The following TANGO6 variants were observed in gnomAD, a reference collection of about 807,000 sequenced individuals.
The protein encoded by TANGO6 is transport and Golgi organization protein 6 homolog.
In TANGO6, 90 loss-of-function variants were observed where a neutral mutation model predicts 114.2. The ratio of observed to expected loss-of-function variants is 0.79; its 90% confidence interval spans 0.66 to 0.94. TANGO6 has a LOEUF of 0.94. Ranked by LOEUF, TANGO6 falls within the 40% of genes least tolerant of loss-of-function variation. The pLI, the probability that TANGO6 is intolerant of heterozygous loss-of-function variation, is 0.00. For missense variants in TANGO6, 1,274 were observed against 1,315.3 expected, an observed-to-expected ratio of 0.97 and a Z score of 0.49; for synonymous variants, 477 against 509.8, an observed-to-expected ratio of 0.94 and a Z score of 0.87.
At chr16:68,946,779 G>C (rs1393974035) in intron 14 of TANGO6, among the ~76,000 whole-genome samples, 1 of 152,164 alleles carries the variant, frequency 6.6e-6, no homozygotes, top group Non-Finnish European at 1.5e-5. Context: ...TGAGATTACA[G>C]GTGTAAGCCA....
chr16:68,968,860 C>T (rs544497892), intron 14 of TANGO6, among the ~76,000 whole-genome samples: 41 of 149,138 alleles, frequency 2.7e-4, no homozygotes, highest in African/African-American at 8.9e-4. Context: ...TTAGTAGAAA[C>T]GGGGTTTCAC....
intron 11 of TANGO6, among the ~76,000 whole-genome samples, chr16:68,916,241 A>T (rs1963003079): frequency 6.6e-6 from 1 of 152,154 alleles, no homozygotes; most frequent in Admixed American, 6.6e-5. Context: ...ACCAGGCCGC[A>T]TAACTGGAGG....
chr16:68,912,146 G>A (rs1048722617), intron 11 of TANGO6, among the ~76,000 whole-genome samples: 6 of 152,178 alleles, frequency 3.9e-5, no homozygotes, highest in Non-Finnish European at 4.4e-5. Context: ...AATGGTATAC[G>A]AAGGAAAATC....
intron 15 of TANGO6, among the ~76,000 whole-genome samples, chr16:68,988,588 G>A (rs1963918252): frequency 6.6e-6 from 1 of 151,700 alleles, no homozygotes; most frequent in Non-Finnish European, 1.5e-5. Context: ...TTTTCTTCTA[G>A]AATGTTAATG....
intron 11 of TANGO6, among the ~76,000 whole-genome samples, chr16:68,914,958 TACACACACACACACACAC>T (rs3061679): frequency 5.4e-4 from 73 of 135,288 alleles, no homozygotes; most frequent in Middle Eastern, 7.2e-3. Flanking sequence ...TTTTGATATC[TACACACACACACACACAC>T]ACACACACAC....
At chr16:69,040,632 A>G (rs1339028361) in intron 17 of TANGO6, among the ~76,000 whole-genome samples, 1 of 152,124 alleles carries the variant, frequency 6.6e-6, no homozygotes, top group African/African-American at 2.4e-5. Context: ...GCCAAACTAT[A>G]TACTAAGAAA....
At chr16:68,907,268 A>G (rs758936069) in intron 9 of TANGO6, among the ~76,000 whole-genome samples, 175 bp from the exon 10 acceptor site, 1 of 152,076 alleles carries the variant, frequency 6.6e-6, no homozygotes, top group South Asian at 2.1e-4. Flanking sequence ...AGTTTCTGAT[A>G]ATCAATACTT....
intron 14 of TANGO6, among the ~76,000 whole-genome samples, chr16:68,954,069 G>A (rs60160816): frequency 6.6e-6 from 1 of 151,580 alleles, no homozygotes. Flanking sequence ...GTGAAACCTC[G>A]TCTCTACTAA....
intron 8 of TANGO6, among the ~76,000 whole-genome samples, chr16:68,900,761 C>A (rs1403623584): frequency 6.6e-6 from 1 of 152,160 alleles, no homozygotes; most frequent in East Asian, 1.9e-4. Flanking sequence ...GAATGACTTT[C>A]CTCAGCCTCT....
intron 14 of TANGO6, among the ~76,000 whole-genome samples, chr16:68,932,037 G>T (rs1273849011): frequency 6.6e-6 from 1 of 151,778 alleles, no homozygotes; most frequent in Non-Finnish European, 1.5e-5. Context: ...TGGGTGAGTT[G>T]TATGGTATGT....
intron 15 of TANGO6, among the ~76,000 whole-genome samples, chr16:68,979,736 A>G (rs565589099): frequency 2.6e-5 from 4 of 152,124 alleles, no homozygotes; most frequent in South Asian, 2.1e-4. Flanking sequence ...AATATTTTCC[A>G]TATATTGACT....
rs866094627 is a variant in TANGO6, at chr16:69,007,690, C to T, written c.2843-15138C>T. Among the ~76,000 whole-genome samples, 6 of 152,238 alleles carry T rather than the reference C, an allele frequency of 3.9e-5. No individual in the cohort carries two copies. The South Asian group carries it at 6.2e-4, about 16-fold the overall frequency. Reference sequence around the variant, plus strand: ...TGTGGAAATGTGTTTTCAGTTCTCTCGAGTCATATGGTAACTCTATGTTTA... The same window carrying T: ...TGTGGAAATGTGTTTTCAGTTCTCTTGAGTCATATGGTAACTCTATGTTTA... On this transcript the variant is annotated intron_variant, in intron 15 of 17. Transcript: ENST00000261778.
At position 68,974,150 on chromosome 16, in the gene TANGO6, C is replaced by T. The variant is rs374575279; in HGVS notation, c.2824C>T (p.Arg942Ter). ...TRMKVGEVLM[R>*]IVRALGDMVS... ...AATGAAAGTCGGGGAAGTCCTTATG[C>T]GAATCGTCAGGGCATTAGGTGAGTT... Residue 942 changes from arginine to a stop codon, truncating the protein, a stop_gained, in exon 15 of 18, where the codon CGA becomes TGA. Transcript: ENST00000261778. LOFTEE classifies it high-confidence loss of function. The T allele has an allele frequency of 4.6e-5, 75 of 1,613,786 alleles. No homozygotes were observed. Among genetic ancestry groups the T allele is most frequent in the Non-Finnish European group, 6.0e-5 (71 of 1,179,880 alleles).
intron 7 of TANGO6, among the ~76,000 whole-genome samples, chr16:68,883,193 C>A (rs1291736758): frequency 6.6e-6 from 1 of 151,728 alleles, no homozygotes; most frequent in Non-Finnish European, 1.5e-5. Flanking sequence ...CAAGACTCTG[C>A]CTCAAAAAAA....
chr16:69,016,554 TTAAACTAC>T (rs1337083889), intron 15 of TANGO6, among the ~76,000 whole-genome samples: 4 of 152,236 alleles, frequency 2.6e-5, no homozygotes, highest in African/African-American at 9.6e-5. Flanking sequence ...AATTGTAAAA[TTAAACTAC>T]TAAACTCTTG....
chr16:68,927,444 T>C (rs1597023968), intron 12 of TANGO6, 124 bp from the exon 13 acceptor site: 1 of 1,026,964 alleles, frequency 9.7e-7, no homozygotes, highest in Non-Finnish European at 1.4e-6. Flanking sequence ...GGCAATACAC[T>C]GATTACACCA....
At chr16:69,015,550 C>T (rs182035971) in intron 15 of TANGO6, among the ~76,000 whole-genome samples, 5 of 151,874 alleles carry the variant, frequency 3.3e-5, no homozygotes, top group African/African-American at 7.2e-5. Context: ...GGCATGATCT[C>T]GGCTAACTGT....
chr16:68,927,472 C>G, intron 12 of TANGO6, 96 bp from the exon 13 acceptor site: 2 of 1,360,824 alleles, frequency 1.5e-6, no homozygotes, highest in Non-Finnish European at 2.0e-6. Flanking sequence ...GATTTGATCC[C>G]TGCCCTTTTT....
chr16:69,071,441 G>C (rs1960296127), intron 17 of TANGO6, among the ~76,000 whole-genome samples: 1 of 152,050 alleles, frequency 6.6e-6, no homozygotes, highest in Non-Finnish European at 1.5e-5. Context: ...TCTTATTTTT[G>C]ACCATTCATG....
Sources: gnomAD v4.1 joint callset for allele counts (sites outside exome capture counted in the v4.1 genomes callset) on GRCh38, gnomAD v4.1.1 for gene constraint, MANE v1.5 for transcripts, NCBI Gene and HGNC (gene_info 2026-07-23, HGNC 2026-07-21) for gene names.